The following SPTLC2 variants were observed in gnomAD, a reference collection of about 807,000 sequenced individuals.
SPTLC2 encodes serine palmitoyltransferase 2.
In SPTLC2, 21 loss-of-function variants were observed where a neutral mutation model predicts 62.0. The observed-to-expected ratio is 0.34, with a 90% CI of 0.24 to 0.49. The LOEUF is 0.49. SPTLC2 is among the 20% of genes least tolerant of loss of function. The probability of loss-of-function intolerance (pLI) is 0.99; values close to 1 mark genes in which losing one functional copy is unlikely to be tolerated. For missense variants in SPTLC2, 511 were observed against 713.0 expected (o/e 0.72, Z 3.23); for synonymous variants, 261 against 261.8 (o/e 1.00, Z 0.03).
At chr14:77,613,738 T>C (rs1436535185) in intron 1 of SPTLC2, among the ~76,000 whole-genome samples, 1 of 152,210 alleles carries the variant, frequency 6.6e-6, no homozygotes, top group Non-Finnish European at 1.5e-5. Flanking sequence ...AGTAAAAGCA[T>C]GACACACAGC....
chr14:77,613,371 T>A (rs145340676), intron 1 of SPTLC2, among the ~76,000 whole-genome samples: 2 of 152,182 alleles, frequency 1.3e-5, no homozygotes, highest in Admixed American at 6.5e-5. Context: ...TTACCTCAAA[T>A]AAAGGTTTGT....
intron 10 of SPTLC2, 152 bp from the exon 11 acceptor site, chr14:77,518,319 T>C (rs1436847914): frequency 4.2e-6 from 5 of 1,195,794 alleles, no homozygotes; most frequent in African/African-American, 1.5e-5. Flanking sequence ...AAAGTTAAAA[T>C]TGACAGCTCA....
intron 9 of SPTLC2, among the ~76,000 whole-genome samples, chr14:77,539,520 C>T (rs1342581793): frequency 1.2e-4 from 12 of 100,278 alleles, no homozygotes; most frequent in Non-Finnish European, 1.4e-4. Context: ...GATGGGGTCT[C>T]GTTGTGTCGC....
intron 2 of SPTLC2, among the ~76,000 whole-genome samples, chr14:77,589,789 C>CCACACACACACACACACACA (rs10627978): frequency 2.1e-5 from 3 of 146,206 alleles, no homozygotes; most frequent in African/African-American, 7.6e-5. Flanking sequence ...GAGTCCGTCT[C>CCACACACACACACACACACA]CACACACACA....
intron 9 of SPTLC2, among the ~76,000 whole-genome samples, chr14:77,537,524 G>A (rs1273302211): frequency 6.6e-6 from 1 of 151,934 alleles, no homozygotes; most frequent in African/African-American, 2.4e-5. Context: ...AAATACGCTG[G>A]GAAAATGAAA....
At chr14:77,540,431 A>G (rs558794009) in intron 9 of SPTLC2, among the ~76,000 whole-genome samples, 1 of 152,270 alleles carries the variant, frequency 6.6e-6, no homozygotes, top group African/African-American at 2.4e-5. Flanking sequence ...AATGGTCTCC[A>G]TTTGATTTTG....
intron 1 of SPTLC2, among the ~76,000 whole-genome samples, chr14:77,599,287 C>T (rs1014711313): frequency 6.6e-6 from 1 of 152,168 alleles, no homozygotes; most frequent in East Asian, 1.9e-4. Flanking sequence ...AGGGGCATAT[C>T]GTCAATTAAG....
intron 1 of SPTLC2, among the ~76,000 whole-genome samples, chr14:77,608,479 T>C (rs2079916795): frequency 6.6e-6 from 1 of 152,220 alleles, no homozygotes; most frequent in South Asian, 2.1e-4. Context: ...TTAGATCTTT[T>C]TTCCATTAAA....
intron 8 of SPTLC2, chr14:77,554,935 T>G: frequency 3.0e-6 from 1 of 331,558 alleles, no homozygotes; most frequent in Non-Finnish European, 5.8e-6. Context: ...CAAGGTGACC[T>G]GCTATTCCCA....
intron 1 of SPTLC2, among the ~76,000 whole-genome samples, chr14:77,603,241 C>G (rs1419665430): frequency 6.6e-6 from 1 of 152,194 alleles, no homozygotes; most frequent in Non-Finnish European, 1.5e-5. Flanking sequence ...ACCTGCCCAG[C>G]TGGTGAATGG....
At chr14:77,605,835 G>A (rs139477400) in intron 1 of SPTLC2, among the ~76,000 whole-genome samples, 123 of 152,362 alleles carry the variant, frequency 8.1e-4, no homozygotes, top group Non-Finnish European at 1.4e-3. Flanking sequence ...GATAAAGCTA[G>A]AGGGAGTGGC....
At chr14:77,608,074 A>C (rs1266700723) in intron 1 of SPTLC2, among the ~76,000 whole-genome samples, 3 of 152,210 alleles carry the variant, frequency 2.0e-5, no homozygotes, top group Non-Finnish European at 4.4e-5. Context: ...AGGGTGCCGC[A>C]AAAGTCACCA....
chr14:77,540,469 A>AT (rs1213844737), intron 9 of SPTLC2, among the ~76,000 whole-genome samples: 3 of 152,040 alleles, frequency 2.0e-5, no homozygotes, highest in African/African-American at 7.3e-5. Flanking sequence ...TTTTACTTTT[A>AT]TTTTTTAATT....
At chr14:77,611,278 G>A (rs1401797369) in intron 1 of SPTLC2, among the ~76,000 whole-genome samples, 1 of 151,560 alleles carries the variant, frequency 6.6e-6, no homozygotes, top group Non-Finnish European at 1.5e-5. Flanking sequence ...ACTCCAGCCT[G>A]GGTGACAGAG....
At chr14:77,579,256 A>T in intron 2 of SPTLC2, 147 bp from the exon 3 acceptor site, 1 of 807,184 alleles carries the variant, frequency 1.2e-6, no homozygotes, top group Non-Finnish European at 2.0e-6. Context: ...TGGACAAGTC[A>T]GGGATTTTAC....
intron 1 of SPTLC2, among the ~76,000 whole-genome samples, chr14:77,615,459 A>G (rs896504671): frequency 2.0e-5 from 3 of 152,234 alleles, no homozygotes; most frequent in Non-Finnish European, 4.4e-5. Flanking sequence ...CGCTAAAGGG[A>G]AACAGAGTAC....
chr14:77,568,078 C>A (rs1447027515), intron 5 of SPTLC2, among the ~76,000 whole-genome samples: 1 of 152,178 alleles, frequency 6.6e-6, no homozygotes, highest in Non-Finnish European at 1.5e-5. Flanking sequence ...TAGGAATGCT[C>A]AACCTGTATA....
chr14:77,509,737 G>A lies in SPTLC2; in HGVS notation c.*2547C>T, dbSNP rs1053839646. On this transcript the variant is annotated 3_prime_UTR_variant, in exon 12 of 12. Transcript: ENST00000216484. ...TAGATTTACATTACAGTTTCAAGAAGAGACAACCAACCATGTATAATGTCT... is the reference window on the plus strand; with the variant it reads ...TAGATTTACATTACAGTTTCAAGAAAAGACAACCAACCATGTATAATGTCT... 4 of 396,108 alleles carry A rather than the reference G, an allele frequency of 1.0e-5. No individual in the cohort carries two copies. The highest frequency in any genetic ancestry group is 1.3e-3 in the Middle Eastern group (2 of 1,580). The allele number at this position is 396,108 out of a possible 1,614,324, so 24.5% of individuals were successfully genotyped here.
Position 77,535,777 on chromosome 14 carries a change from G to A in SPTLC2, c.1304-14196C>T, listed in dbSNP as rs778562254. The A allele has an allele frequency of 3.2e-4, 105 of 329,236 alleles. 3 individuals carry two copies. Among genetic ancestry groups the A allele is most frequent in the Middle Eastern group, 2.3e-3 (5 of 2,178 alleles). 20.4% of individuals were successfully genotyped at this position (329,236 alleles called of 1,614,324 possible). A position where few individuals can be genotyped will look rare whatever the true frequency, so the allele number is the denominator to read the frequency against. ...TATTTAATTCTTCCAAAGCATTTTT[G>A]CTTGACTGATTCCTCTACTATTATG... On this transcript the variant is annotated intron_variant, in intron 9 of 11. Coordinates refer to ENST00000216484, the MANE Select transcript of SPTLC2 (RefSeq NM_004863.4).
Sources: allele counts gnomAD v4.1 joint callset (sites outside exome capture counted in the v4.1 genomes callset), GRCh38; gene constraint gnomAD v4.1.1; transcripts MANE v1.5; gene names NCBI Gene and HGNC (gene_info 2026-07-23, HGNC 2026-07-21).